Variants in ANKRD11 observed in about 807,000 individuals in gnomAD.
ANKRD11 encodes ankyrin repeat domain 11, also known as ankyrin repeat domain-containing protein 11.
In ANKRD11, 17 loss-of-function variants were observed where a neutral mutation model predicts 195.7. That is an observed-to-expected ratio of 0.09 (90% CI 0.06 to 0.13). The LOEUF (loss-of-function observed/expected upper bound fraction) is 0.13. ANKRD11 is among the 10% of genes least tolerant of loss of function. The pLI, the probability that ANKRD11 is intolerant of heterozygous loss-of-function variation, is 1.00. For synonymous variants in ANKRD11, 1,953 were observed against 1,528.1 expected (o/e 1.28, Z -6.49); for missense variants, 3,735 against 3,566.1 (o/e 1.05, Z -1.21).
Position 89,428,205 on chromosome 16 carries a change from C to T in ANKRD11, c.-144-9837G>A, listed in dbSNP as rs756731497. Among the ~76,000 whole-genome samples, 305 of 151,546 alleles carry T rather than the reference C, an allele frequency of 2.0e-3. 1 individual carries two copies. Among genetic ancestry groups the T allele is most frequent in the Middle Eastern group, 3.5e-3 (1 of 288 alleles). ...CCTAGGCAGCAGAGCAAGACTCCAT[C>T]TCAAAAAAATAGATTAATTAATTAA... On this transcript the variant is annotated intron_variant, in intron 1 of 12. Transcript: ENST00000301030.
chr16:89,357,682 C>G (rs561852226), intron 2 of ANKRD11, among the ~76,000 whole-genome samples: 1 of 152,300 alleles, frequency 6.6e-6, no homozygotes, highest in East Asian at 1.9e-4. Flanking sequence ...TCAGCCCTAA[C>G]GAGGAATGCC....
intron 2 of ANKRD11, among the ~76,000 whole-genome samples, chr16:89,334,174 CAGAG>C (rs1159181558): frequency 1.3e-4 from 10 of 74,776 alleles, no homozygotes; most frequent in Middle Eastern, 0.012. Flanking sequence ...AAAAAAAAAA[CAGAG>C]AGAGAGAGAA....
intron 1 of ANKRD11, among the ~76,000 whole-genome samples, chr16:89,446,565 C>T (rs934743022): frequency 6.6e-6 from 1 of 151,938 alleles, no homozygotes; most frequent in African/African-American, 2.4e-5. Flanking sequence ...GATCATGCCA[C>T]TGCACTCCAG....
At chr16:89,359,676 C>T (rs551097031) in intron 2 of ANKRD11, among the ~76,000 whole-genome samples, 1 of 152,348 alleles carries the variant, frequency 6.6e-6, no homozygotes, top group African/African-American at 2.4e-5. Flanking sequence ...TCTGCCTCTC[C>T]ACACTGAAGC....
At chr16:89,441,285 GAA>G (rs1189112575) in intron 1 of ANKRD11, among the ~76,000 whole-genome samples, 2 of 151,926 alleles carry the variant, frequency 1.3e-5, no homozygotes, top group East Asian at 3.9e-4. Flanking sequence ...CCTCTGGAGT[GAA>G]GTCCTAAAAT....
At chr16:89,300,834 A>T in intron 4 of ANKRD11, 1 of 701,926 alleles carries the variant, frequency 1.4e-6, no homozygotes, top group South Asian at 1.5e-5. Flanking sequence ...AAGCAAAATA[A>T]GAAAATCATA....
At chr16:89,278,303 C>T (rs1027808144) in intron 9 of ANKRD11, 2 of 353,044 alleles carry the variant, frequency 5.7e-6, no homozygotes, top group Non-Finnish European at 1.1e-5. Flanking sequence ...GGGAAAGACC[C>T]CAGTGGGTAG....
intron 2 of ANKRD11, among the ~76,000 whole-genome samples, chr16:89,399,307 T>C (rs528014872): frequency 6.6e-6 from 1 of 152,074 alleles, no homozygotes; most frequent in East Asian, 1.9e-4. Context: ...GGTGAGTGGA[T>C]TAAACACCCG....
chr16:89,327,817 A>C (rs1436637749), intron 2 of ANKRD11, among the ~76,000 whole-genome samples: 4 of 152,236 alleles, frequency 2.6e-5, no homozygotes, highest in Admixed American at 2.6e-4. Flanking sequence ...GAAAATCTTT[A>C]GGACCTAGGG....
chr16:89,301,139 C>G (rs1422657582), intron 4 of ANKRD11, among the ~76,000 whole-genome samples: 3 of 152,192 alleles, frequency 2.0e-5, no homozygotes, highest in Non-Finnish European at 4.4e-5. Context: ...CAGGGTCTCA[C>G]TCTGTCGCCC....
intron 1 of ANKRD11, among the ~76,000 whole-genome samples, chr16:89,463,847 C>G (rs1221041588): frequency 6.6e-6 from 1 of 152,074 alleles, no homozygotes; most frequent in African/African-American, 2.4e-5. Flanking sequence ...TCTACTTATG[C>G]AAAAAATTAA....
chr16:89,374,111 T>C lies in ANKRD11; in HGVS notation c.-60+44173A>G, dbSNP rs144300883. ...CCGAGACAAAAATGATCAATAGTTT[T>C]ACTGGTGATTTTCTTCACCCTCCCC... On this transcript the variant is annotated intron_variant, in intron 2 of 12. Coordinates refer to ENST00000301030, the MANE Select transcript of ANKRD11 (RefSeq NM_013275.6). Among the ~76,000 whole-genome samples, 162 of 152,364 alleles carry C rather than the reference T, an allele frequency of 1.1e-3. 1 individual carries two copies. Among genetic ancestry groups the C allele is most frequent in the African/African-American group, 3.8e-3 (156 of 41,582 alleles).
Position 89,413,670 on chromosome 16 carries a change from A to C in ANKRD11, c.-60+4614T>G, listed in dbSNP as rs1404143715. ...TGGAAGTGAACTCACAGTGGCACCT[A>C]CAAATCCCTTACAGACCTGCAAACC... On this transcript the variant is annotated intron_variant, in intron 2 of 12. Coordinates refer to ENST00000301030, the MANE Select transcript of ANKRD11 (RefSeq NM_013275.6). Among the ~76,000 whole-genome samples, 9 of 152,182 alleles carry C rather than the reference A, an allele frequency of 5.9e-5. No individual in the cohort carries two copies. The East Asian group carries it at 1.7e-3, about 29-fold the overall frequency.
intron 2 of ANKRD11, among the ~76,000 whole-genome samples, chr16:89,410,131 G>A (rs953437381): frequency 6.6e-6 from 1 of 152,126 alleles, no homozygotes; most frequent in Non-Finnish European, 1.5e-5. Context: ...GAGCCACCGC[G>A]TCCAGCCTCA....
chr16:89,479,604 C>T (rs1407193272), intron 1 of ANKRD11, among the ~76,000 whole-genome samples: 1 of 148,204 alleles, frequency 6.7e-6, no homozygotes, highest in Non-Finnish European at 1.5e-5. Context: ...CACTGCACTC[C>T]AGCCTGGGCA....
chr16:89,460,629 T>C (rs958333516), intron 1 of ANKRD11, among the ~76,000 whole-genome samples: 1 of 152,186 alleles, frequency 6.6e-6, no homozygotes, highest in Non-Finnish European at 1.5e-5. Context: ...CTCAGCACTA[T>C]GGAAGGTTGA....
At chr16:89,342,804 A>T (rs867318080) in intron 2 of ANKRD11, among the ~76,000 whole-genome samples, 1 of 152,230 alleles carries the variant, frequency 6.6e-6, no homozygotes, top group Non-Finnish European at 1.5e-5. Flanking sequence ...GAAAAACATT[A>T]TTACAGAATA....
At chr16:89,450,707 G>T (rs978703208) in intron 1 of ANKRD11, among the ~76,000 whole-genome samples, 6 of 152,130 alleles carry the variant, frequency 3.9e-5, no homozygotes, top group African/African-American at 1.4e-4. Flanking sequence ...ATGGTGTCCA[G>T]GCTGGTCTCT....
At chr16:89,472,775 T>A (rs531374745) in intron 1 of ANKRD11, among the ~76,000 whole-genome samples, 1 of 152,186 alleles carries the variant, frequency 6.6e-6, no homozygotes, top group African/African-American at 2.4e-5. Context: ...TAAAAGATAA[T>A]TACAACACAA....
Sources: gnomAD v4.1 joint callset for allele counts (sites outside exome capture counted in the v4.1 genomes callset) on GRCh38, gnomAD v4.1.1 for gene constraint, MANE v1.5 for transcripts, NCBI Gene and HGNC (gene_info 2026-07-23, HGNC 2026-07-21) for gene names.